PREX2: variants seen among roughly 807,000 people sequenced by gnomAD.
PREX2 encodes the protein phosphatidylinositol-3,4,5-trisphosphate dependent Rac exchange factor 2, also known as phosphatidylinositol 3,4,5-trisphosphate-dependent Rac exchanger 2 protein.
Under a neutral mutation model 203.2 loss-of-function variants are expected in PREX2, and 107 were observed. That is an observed-to-expected ratio of 0.53 (90% CI 0.45 to 0.62). PREX2 has a LOEUF of 0.62. PREX2 is among the 20% of genes least tolerant of loss of function. The probability of loss-of-function intolerance (pLI) is 0.00; values close to 1 mark genes in which losing one functional copy is unlikely to be tolerated. For missense variants in PREX2, 1,777 were observed against 1,955.9 expected (o/e 0.91, Z 1.72); for synonymous variants, 672 against 663.6 (o/e 1.01, Z -0.19).
Position 68,053,036 on chromosome 8 carries a change from G to A in PREX2, c.944-61G>A, listed in dbSNP as rs1351880214. 9 of 1,450,082 alleles carry A rather than the reference G, an allele frequency of 6.2e-6. 1 individual carries two copies. The highest frequency in any genetic ancestry group is 5.2e-5 in the South Asian group (4 of 76,774). 89.8% of individuals were successfully genotyped at this position (1,450,082 alleles called of 1,614,324 possible). ...GAACTTTTGTGTATTGAATGATAGT[G>A]TGGATATAATAATATTGTGTATTAC... On this transcript the variant is annotated intron_variant, in intron 8 of 39. Coordinates refer to ENST00000288368, the MANE Select transcript of PREX2 (RefSeq NM_024870.4).
At chr8:68,099,128 C>T (rs1017037406) in intron 22 of PREX2, among the ~76,000 whole-genome samples, 1 of 151,874 alleles carries the variant, frequency 6.6e-6, no homozygotes, top group South Asian at 2.1e-4. Flanking sequence ...ATGCTTTTAT[C>T]AGCAAGAGCT....
intron 37 of PREX2, among the ~76,000 whole-genome samples, chr8:68,200,627 A>G (rs1282083193): frequency 6.6e-6 from 1 of 151,680 alleles, no homozygotes; most frequent in African/African-American, 2.4e-5. Context: ...TTGCTTGATT[A>G]ATATGTACCC....
intron 21 of PREX2, among the ~76,000 whole-genome samples, chr8:68,096,767 C>T (rs1013370911): frequency 1.3e-5 from 2 of 152,114 alleles, no homozygotes; most frequent in African/African-American, 4.8e-5. Flanking sequence ...ATATGGTCCA[C>T]AGATTGAAGT....
chr8:68,009,469 G>A (rs901611198), intron 1 of PREX2, among the ~76,000 whole-genome samples: 2 of 152,028 alleles, frequency 1.3e-5, no homozygotes, highest in Non-Finnish European at 2.9e-5. Flanking sequence ...CTCTATATAA[G>A]TATTTGTATA....
chr8:68,059,315 A>G (rs1249697439), intron 10 of PREX2, among the ~76,000 whole-genome samples: 1 of 151,684 alleles, frequency 6.6e-6, no homozygotes, highest in Non-Finnish European at 1.5e-5. Flanking sequence ...ATCGCTACAT[A>G]GCTGAGGCTC....
intron 26 of PREX2, among the ~76,000 whole-genome samples, 171 bp downstream of exon 26, chr8:68,116,103 T>G (rs1810652503): frequency 6.6e-6 from 1 of 152,248 alleles, no homozygotes; most frequent in East Asian, 1.9e-4. Flanking sequence ...AATGTAATAT[T>G]TCAAATCCTT....
At chr8:68,210,983 A>G (rs1812731968) in intron 37 of PREX2, among the ~76,000 whole-genome samples, 1 of 152,218 alleles carries the variant, frequency 6.6e-6, no homozygotes, top group Admixed American at 6.5e-5. Context: ...ATGTAAGCCA[A>G]TTTAGGAAAC....
chr8:68,177,375 T>C (rs576808037), intron 35 of PREX2, among the ~76,000 whole-genome samples: 2 of 152,252 alleles, frequency 1.3e-5, no homozygotes, highest in South Asian at 2.1e-4. Context: ...CTGGGCAACA[T>C]AGAGAGACCC....
At position 68,119,423 on chromosome 8, in the gene PREX2, G is replaced by C. The variant is rs1810722731; in HGVS notation, c.3422-9G>C. ...TGGTTTTTGGTTTTGTTTTTGTTTT[G>C]ACATCTAGGTGATGAACTTCCCTTA... On this transcript the variant is annotated splice_polypyrimidine_tract_variant and intron_variant, in intron 27 of 39. Coordinates refer to ENST00000288368, the MANE Select transcript of PREX2 (RefSeq NM_024870.4). 5.6e-6 allele frequency: 9 copies of C among 1,605,298 alleles called. No individual in the cohort carries two copies. Among genetic ancestry groups the C allele is most frequent in the Non-Finnish European group, 7.7e-6 (9 of 1,173,420 alleles).
intron 1 of PREX2, among the ~76,000 whole-genome samples, chr8:67,970,921 C>A (rs1038531860): frequency 1.3e-5 from 2 of 152,124 alleles, no homozygotes; most frequent in Non-Finnish European, 2.9e-5. Flanking sequence ...TTTCATCTGT[C>A]GTTCTAGTAA....
chr8:68,016,993 A>G (rs1245545954), intron 1 of PREX2, among the ~76,000 whole-genome samples: 1 of 152,150 alleles, frequency 6.6e-6, no homozygotes, highest in East Asian at 1.9e-4. Flanking sequence ...CTTATTAGCC[A>G]TGTCCTGAGG....
At chr8:68,050,994 C>T (rs1808512632) in intron 8 of PREX2, among the ~76,000 whole-genome samples, 1 of 152,086 alleles carries the variant, frequency 6.6e-6, no homozygotes, top group African/African-American at 2.4e-5. Flanking sequence ...AAAGCGAAGT[C>T]TACATGTAGT....
chr8:68,234,003 G>A lies in PREX2; in HGVS notation c.*2625G>A, dbSNP rs1813219279. The A allele has an allele frequency of 6.6e-6, 1 of 152,112 alleles. No individual in the cohort carries two copies. The highest frequency in any genetic ancestry group is 1.9e-4 in the East Asian group (1 of 5,188). The allele number at this position is 152,112 out of a possible 1,614,324, so 9.4% of individuals were successfully genotyped here. On this transcript the variant is annotated 3_prime_UTR_variant, in exon 40 of 40. Transcript: ENST00000288368. ...TTATATGAAAATTATAGTGTTTCCT[G>A]GACATTTTACAACTCTGGATGCACA...
intron 4 of PREX2, among the ~76,000 whole-genome samples, chr8:68,023,634 T>C (rs1030099815): frequency 5.3e-5 from 8 of 152,162 alleles, no homozygotes; most frequent in African/African-American, 1.9e-4. Flanking sequence ...GTCTAATTTA[T>C]TACATTTTTC....
chr8:67,969,944 T>C (rs1805878648), intron 1 of PREX2, among the ~76,000 whole-genome samples: 1 of 152,206 alleles, frequency 6.6e-6, no homozygotes, highest in African/African-American at 2.4e-5. Context: ...TGAGTCTCAC[T>C]CCGGTCTGAA....
chr8:68,218,263 C>G (rs189803272), intron 38 of PREX2, among the ~76,000 whole-genome samples: 1 of 152,034 alleles, frequency 6.6e-6, no homozygotes, highest in East Asian at 1.9e-4. Context: ...TACTTATAGG[C>G]GAGAATATAC....
Position 67,962,905 on chromosome 8 carries a change from G to A in PREX2, c.141+10370G>A, listed in dbSNP as rs541003932. 3.4e-4 allele frequency among the ~76,000 whole-genome samples: 51 copies of A among 152,080 alleles called. 1 individual carries two copies. Among genetic ancestry groups the A allele is most frequent in the East Asian group, 7.7e-4 (4 of 5,182 alleles). ...TTACAGGTGTGAACTACCATGCCTG[G>A]CCAATTTTATATATTTTATATATTT... On this transcript the variant is annotated intron_variant, in intron 1 of 39. Coordinates refer to ENST00000288368, the MANE Select transcript of PREX2 (RefSeq NM_024870.4).
At chr8:68,036,002 T>A (rs1387397625) in intron 6 of PREX2, among the ~76,000 whole-genome samples, 2 of 152,172 alleles carry the variant, frequency 1.3e-5, no homozygotes, top group Non-Finnish European at 2.9e-5. Context: ...ACTGATGGTT[T>A]GGGTTGCTTA....
At chr8:68,128,362 G>C (rs1387299117) in intron 31 of PREX2, among the ~76,000 whole-genome samples, 3 of 151,330 alleles carry the variant, frequency 2.0e-5, no homozygotes, top group African/African-American at 4.9e-5. Context: ...GTTAGCTTTT[G>C]TTGTGTTTAA....
Sources: allele counts gnomAD v4.1 joint callset (sites outside exome capture counted in the v4.1 genomes callset), GRCh38; gene constraint gnomAD v4.1.1; transcripts MANE v1.5; gene names NCBI Gene and HGNC (gene_info 2026-07-23, HGNC 2026-07-21).